MAGI2: variants seen among roughly 807,000 people sequenced by gnomAD.
The protein encoded by MAGI2 is membrane-associated guanylate kinase, WW and PDZ domain-containing protein 2.
MAGI2 carries 35 observed loss-of-function variants against 133.3 expected under a neutral mutation model. That is an observed-to-expected ratio of 0.26 (90% CI 0.20 to 0.35). The LOEUF (loss-of-function observed/expected upper bound fraction) is 0.35. Among genes scored for constraint, MAGI2 ranks in the 10% least tolerant of loss-of-function variants. MAGI2 has a pLI of 1.00. For synonymous variants in MAGI2, 729 were observed against 710.6 expected (o/e 1.03, Z -0.41); for missense variants, 1,636 against 1,863.4 (o/e 0.88, Z 2.25).
In MAGI2 at chr7:78,633,155, A is replaced by G. The variant is rs529547338; in HGVS notation, c.419-5916T>C. ...CTAATGGACGAACAGAAAACCAGAT[A>G]CTGCGTGTTCTCACTTATAAGTGGG... On this transcript the variant is annotated intron_variant, in intron 2 of 21. Coordinates refer to ENST00000354212, the MANE Select transcript of MAGI2 (RefSeq NM_012301.4). 9.8e-4 allele frequency among the ~76,000 whole-genome samples: 149 copies of G among 152,314 alleles called. 1 individual carries two copies. Among genetic ancestry groups the G allele is most frequent in the Non-Finnish European group, 1.2e-3 (80 of 68,018 alleles).
intron 1 of MAGI2, among the ~76,000 whole-genome samples, chr7:79,303,722 A>G (rs1837551052): frequency 6.6e-6 from 1 of 152,146 alleles, no homozygotes; most frequent in Non-Finnish European, 1.5e-5. Context: ...TAAAATATTT[A>G]CTCTGAGTAA....
At chr7:79,308,853 AGTAGAAACAGCAATGAGAAT>A (rs1302520842) in intron 1 of MAGI2, among the ~76,000 whole-genome samples, 3 of 152,212 alleles carry the variant, frequency 2.0e-5, no homozygotes, top group Non-Finnish European at 4.4e-5. Flanking sequence ...ATCAGAAAAT[AGTAGAAACAGCAATGAGAAT>A]AAAATGCTTT....
chr7:78,825,406 ACCT>A (rs1790535004), intron 2 of MAGI2, among the ~76,000 whole-genome samples: 1 of 152,042 alleles, frequency 6.6e-6, no homozygotes, highest in Non-Finnish European at 1.5e-5. Context: ...TACTAGTTTG[ACCT>A]CCTTTGCAAT....
chr7:78,500,523 T>G (rs925833055), intron 5 of MAGI2, among the ~76,000 whole-genome samples: 1 of 152,190 alleles, frequency 6.6e-6, no homozygotes, highest in African/African-American at 2.4e-5. Context: ...TTTTGGAATT[T>G]TTAAAAAGTT....
chr7:78,046,172 G>C (rs1186318250), intron 21 of MAGI2, among the ~76,000 whole-genome samples: 1 of 151,278 alleles, frequency 6.6e-6, no homozygotes, highest in Non-Finnish European at 1.5e-5. Context: ...AAGGTGGGTG[G>C]ATCACTTGAG....
intron 3 of MAGI2, among the ~76,000 whole-genome samples, chr7:78,536,136 G>A (rs1364570623): frequency 9.6e-4 from 73 of 76,264 alleles, no homozygotes; most frequent in African/African-American, 3.7e-3. Context: ...TTTTTGAGAC[G>A]GAGTCTCGCT....
chr7:78,364,330 C>T (rs573717036), intron 7 of MAGI2, among the ~76,000 whole-genome samples: 1 of 152,274 alleles, frequency 6.6e-6, no homozygotes, highest in South Asian at 2.1e-4. Context: ...AGCCATGAAG[C>T]ATTATTAAGA....
intron 3 of MAGI2, among the ~76,000 whole-genome samples, chr7:78,609,092 G>GT (rs1806147042): frequency 6.6e-6 from 1 of 152,120 alleles, no homozygotes; most frequent in Non-Finnish European, 1.5e-5. Context: ...ACATTTTCAC[G>GT]TTTTTCTGCC....
At chr7:78,886,881 C>A (rs966663587) in intron 2 of MAGI2, among the ~76,000 whole-genome samples, 3 of 151,946 alleles carry the variant, frequency 2.0e-5, no homozygotes, top group African/African-American at 4.8e-5. Context: ...GAGGGAGGGA[C>A]CTTGTAGGAG....
intron 1 of MAGI2, among the ~76,000 whole-genome samples, chr7:79,037,211 T>G (rs1365328061): frequency 6.6e-6 from 1 of 152,154 alleles, no homozygotes; most frequent in Non-Finnish European, 1.5e-5. Context: ...TTAACAGCTA[T>G]TATGTGGGGA....
Position 78,890,902 on chromosome 7 carries a change from A to G in MAGI2, c.418+116188T>C, listed in dbSNP as rs546260394. ...CAGAGCAGAACTGAAGAAAATAGAG[A>G]CACAAAAAACCCTTCAAAAAATCTA... On this transcript the variant is annotated intron_variant, in intron 2 of 21. Coordinates refer to ENST00000354212, the MANE Select transcript of MAGI2 (RefSeq NM_012301.4). 2.6e-5 allele frequency among the ~76,000 whole-genome samples: 4 copies of G among 152,316 alleles called. No individual in the cohort carries two copies. The East Asian group carries it at 7.7e-4, about 29-fold the overall frequency.
intron 2 of MAGI2, among the ~76,000 whole-genome samples, chr7:78,924,732 T>C (rs1799553594): frequency 6.6e-6 from 1 of 152,106 alleles, no homozygotes; most frequent in Admixed American, 6.6e-5. Flanking sequence ...GAGGATTCCC[T>C]GTTCTAGGAT....
chr7:78,570,757 T>C (rs1167955444), intron 3 of MAGI2, among the ~76,000 whole-genome samples: 2 of 152,146 alleles, frequency 1.3e-5, no homozygotes, highest in Non-Finnish European at 2.9e-5. Context: ...GCATGTAAAA[T>C]GCAATAAAGT....
chr7:78,206,841 T>G (rs1172179443), intron 10 of MAGI2, among the ~76,000 whole-genome samples: 2 of 152,240 alleles, frequency 1.3e-5, no homozygotes, highest in Non-Finnish European at 2.9e-5. Context: ...TTTCTAGTTC[T>G]CTTTTTTTTA....
rs370252706 is a variant in MAGI2 at position 79,028,681 on chromosome 7, G to A, written c.302-21475C>T. 2.1e-4 allele frequency among the ~76,000 whole-genome samples: 32 copies of A among 152,090 alleles called. No homozygotes were observed. The South Asian group carries it at 6.2e-3, about 30-fold the overall frequency. Reference sequence around the variant, plus strand: ...AACTCAATTACATCCCTGCCTAATTGATGACTTAAATGATTCTCTCAGTCA... The same window carrying A: ...AACTCAATTACATCCCTGCCTAATTAATGACTTAAATGATTCTCTCAGTCA... On this transcript the variant is annotated intron_variant, in intron 1 of 21. Transcript: ENST00000354212.
chr7:79,359,071 C>A (rs1481758406), intron 1 of MAGI2, among the ~76,000 whole-genome samples: 1 of 151,720 alleles, frequency 6.6e-6, no homozygotes, highest in Non-Finnish European at 1.5e-5. Context: ...GATTTTAAAG[C>A]AACAAAATAA....
chr7:79,049,800 T>A (rs1812509399), intron 1 of MAGI2, among the ~76,000 whole-genome samples: 1 of 152,166 alleles, frequency 6.6e-6, no homozygotes, highest in South Asian at 2.1e-4. Context: ...AGACTCTGAT[T>A]CTGTAATTTT....
At chr7:78,224,566 T>C (rs1010232802) in intron 10 of MAGI2, among the ~76,000 whole-genome samples, 6 of 151,966 alleles carry the variant, frequency 3.9e-5, no homozygotes, top group African/African-American at 1.5e-4. Context: ...CTTGGGAGGC[T>C]GACGCAGGGG....
At chr7:78,775,472 C>T (rs1277074948) in intron 2 of MAGI2, among the ~76,000 whole-genome samples, 1 of 151,782 alleles carries the variant, frequency 6.6e-6, no homozygotes, top group East Asian at 1.9e-4. Context: ...AACTGAGAGA[C>T]CTATTATCTC....
Sources: gnomAD v4.1 joint callset for allele counts (sites outside exome capture counted in the v4.1 genomes callset) on GRCh38, gnomAD v4.1.1 for gene constraint, MANE v1.5 for transcripts, NCBI Gene and HGNC (gene_info 2026-07-23, HGNC 2026-07-21) for gene names.